The following SLMAP variants were observed in gnomAD, a reference collection of about 807,000 sequenced individuals.
SLMAP encodes the protein sarcolemma associated protein.
Under a neutral mutation model 128.8 loss-of-function variants are expected in SLMAP, and 44 were observed. That is an observed-to-expected ratio of 0.34 (90% CI 0.27 to 0.44). The LOEUF (loss-of-function observed/expected upper bound fraction) is 0.44, where lower values mean the gene tolerates loss of function less well. Among genes scored for constraint, SLMAP ranks in the 20% least tolerant of loss-of-function variants. The pLI is 1.00. For missense variants in SLMAP, 787 were observed against 985.3 expected (o/e 0.80, Z 2.69); for synonymous variants, 327 against 348.8 (o/e 0.94, Z 0.70).
chr3:57,926,053 A>G (rs1386254144), intron 24 of SLMAP, 119 bp downstream of exon 24: 5 of 701,180 alleles, frequency 7.1e-6, no homozygotes, highest in African/African-American at 7.1e-5. Flanking sequence ...CAAACCCTTC[A>G]TTTAGTATGC....
At chr3:57,843,775 CTTTTTTTTTTT>C (rs775541858) in intron 4 of SLMAP, among the ~76,000 whole-genome samples, 3 of 77,126 alleles carry the variant, frequency 3.9e-5, no homozygotes, top group South Asian at 5.6e-4. Context: ...TCTTTTCTTT[CTTTTTTTTTTT>C]TTTTTTTTTT....
intron 2 of SLMAP, among the ~76,000 whole-genome samples, chr3:57,807,151 G>A (rs961887089): frequency 4.6e-5 from 7 of 152,242 alleles, no homozygotes; most frequent in South Asian, 2.1e-4. Context: ...TTTGTTGGCC[G>A]CGTAAATGTC....
chr3:57,847,302 T>G (rs2094302482), intron 5 of SLMAP, 69 bp downstream of exon 5: 1 of 1,106,006 alleles, frequency 9.0e-7, no homozygotes, highest in African/African-American at 1.6e-5. Flanking sequence ...TTGTTTTTAA[T>G]ATGCTTTACC....
chr3:57,771,220 T>TGA (rs377559257), intron 2 of SLMAP, among the ~76,000 whole-genome samples: 20,762 of 135,586 alleles, frequency 0.15, 1,544 homozygotes, highest in South Asian at 0.22. Context: ...CCTCCTCCTT[T>TGA]GAGAGAGAGA....
At chr3:57,849,682 T>G in intron 5 of SLMAP, 72 bp from the exon 6 acceptor site, 1 of 828,782 alleles carries the variant, frequency 1.2e-6, no homozygotes. Context: ...AAGTAGACAT[T>G]TCAAGAAATT....
intron 2 of SLMAP, among the ~76,000 whole-genome samples, chr3:57,810,880 C>G (rs1401095307): frequency 1.3e-5 from 2 of 152,156 alleles, no homozygotes; most frequent in African/African-American, 4.8e-5. Flanking sequence ...TTTCCATGAC[C>G]TTGAAACTTT....
chr3:57,903,206 G>A (rs956954441), intron 17 of SLMAP, among the ~76,000 whole-genome samples: 8 of 152,126 alleles, frequency 5.3e-5, no homozygotes, highest in African/African-American at 1.7e-4. Context: ...TGGCAAAGGG[G>A]TAAGAATTGA....
Position 57,881,062 on chromosome 3 carries a change from C to T in SLMAP, c.1301-8979C>T, listed in dbSNP as rs912467768. Among the ~76,000 whole-genome samples the T allele has an allele frequency of 1.4e-4, 21 of 152,042 alleles. No homozygotes were observed. In the East Asian group the frequency reaches 3.3e-3, roughly 24 times the overall value. On this transcript the variant is annotated intron_variant, in intron 14 of 24. Coordinates refer to ENST00000671191, the MANE Select transcript of SLMAP (RefSeq NM_001377540.1). ...TACAAAAATTAGCCAGGCATGGTGG[C>T]GCGCGCCTGTAATCCCAGCTACTCA...
At chr3:57,906,345 A>G (rs1023231753) in intron 17 of SLMAP, among the ~76,000 whole-genome samples, 2 of 58,186 alleles carry the variant, frequency 3.4e-5, no homozygotes, top group African/African-American at 1.2e-4. Context: ...AGACACAGTC[A>G]CTCTCTGTCG....
chr3:57,807,310 G>A (rs746596052), intron 2 of SLMAP, among the ~76,000 whole-genome samples: 6 of 152,120 alleles, frequency 3.9e-5, no homozygotes, highest in Non-Finnish European at 8.8e-5. Context: ...CATTCTGTAG[G>A]TTGCCTGTTT....
chr3:57,885,317 G>A (rs1031152202), intron 14 of SLMAP, among the ~76,000 whole-genome samples: 1 of 150,700 alleles, frequency 6.6e-6, no homozygotes, highest in Non-Finnish European at 1.5e-5. Context: ...GGTGATGCCC[G>A]CCTTGGCCTC....
rs1559485375 is a variant in SLMAP, at chr3:57,897,705, T to TTA, written c.1501+773_1501+774insTA. The TTA allele has an allele frequency of 7.6e-4, 114 of 150,854 alleles. 1 individual carries two copies. Among genetic ancestry groups the TTA allele is most frequent in the African/African-American group, 2.3e-3 (94 of 41,184 alleles). The allele number at this position is 150,854 out of a possible 1,614,324, so 9.3% of individuals were successfully genotyped here. On this transcript the variant is annotated intron_variant, in intron 17 of 24. Coordinates refer to ENST00000671191, the MANE Select transcript of SLMAP (RefSeq NM_001377540.1). ...CAAAACTCCATCTCAAAAAAAAAAA[T>TTA]GAAAAAAAGAAAGAAATTTTAGATG...
chr3:57,764,226 G>T (rs771625033), intron 2 of SLMAP, among the ~76,000 whole-genome samples: 38 of 152,236 alleles, frequency 2.5e-4, no homozygotes, highest in Admixed American at 3.9e-4. Context: ...AGTGGGCCGG[G>T]TGCGGTGGCT....
intron 2 of SLMAP, among the ~76,000 whole-genome samples, chr3:57,789,985 C>T (rs1338084732): frequency 1.3e-5 from 2 of 151,944 alleles, no homozygotes; most frequent in Non-Finnish European, 2.9e-5. Context: ...TATAGGTGCC[C>T]GCCACCACTC....
intron 2 of SLMAP, among the ~76,000 whole-genome samples, chr3:57,786,619 C>T (rs899225537): frequency 7.5e-5 from 11 of 145,972 alleles, no homozygotes; most frequent in Non-Finnish European, 1.3e-4. Flanking sequence ...TGCAGTGGCA[C>T]GATCTTGGTT....
At chr3:57,854,888 G>GTACTT (rs1186291686) in intron 6 of SLMAP, among the ~76,000 whole-genome samples, 1 of 152,098 alleles carries the variant, frequency 6.6e-6, no homozygotes, top group Non-Finnish European at 1.5e-5. Flanking sequence ...TTTTGTCTTT[G>GTACTT]TGTGAACATT....
At chr3:57,763,852 GGGATGA>G (rs1379574966) in intron 2 of SLMAP, among the ~76,000 whole-genome samples, 1 of 152,040 alleles carries the variant, frequency 6.6e-6, no homozygotes, top group Non-Finnish European at 1.5e-5. Context: ...TTTTTTTGTG[GGGATGA>G]GGATGGAATA....
intron 12 of SLMAP, 93 bp from the exon 13 acceptor site, chr3:57,865,149 A>G (rs917627284): frequency 1.5e-6 from 1 of 684,552 alleles, no homozygotes; most frequent in Non-Finnish European, 2.4e-6. Context: ...TACAATCTTA[A>G]TCTTAGGAAT....
chr3:57,851,971 C>T (rs542430194), intron 6 of SLMAP, among the ~76,000 whole-genome samples: 33 of 152,104 alleles, frequency 2.2e-4, no homozygotes, highest in African/African-American at 7.0e-4. Flanking sequence ...AGTGCGGTGG[C>T]GTGATCTTGG....
Sources: allele counts gnomAD v4.1 joint callset (sites outside exome capture counted in the v4.1 genomes callset), GRCh38; gene constraint gnomAD v4.1.1; transcripts MANE v1.5; gene names NCBI Gene and HGNC (gene_info 2026-07-23, HGNC 2026-07-21).